FOXK1: variants seen among roughly 807,000 people sequenced by gnomAD.
FOXK1 encodes the protein forkhead box protein K1.
FOXK1 carries 19 observed loss-of-function variants against 51.9 expected under a neutral mutation model. The ratio of observed to expected loss-of-function variants is 0.37; its 90% CI spans 0.26 to 0.54. The LOEUF (loss-of-function observed/expected upper bound fraction) is 0.54. FOXK1 is among the 20% of genes least tolerant of loss of function. FOXK1 has a pLI of 0.87. For synonymous variants in FOXK1, 537 were observed against 482.6 expected (o/e 1.11, Z -1.48); for missense variants, 870 against 1,032.7 (o/e 0.84, Z 2.16).
Position 4,702,697 on chromosome 7 carries a change from G to C in FOXK1, c.560+19829G>C, listed in dbSNP as rs533548015. On this transcript the variant is annotated intron_variant, in intron 1 of 8. Coordinates refer to ENST00000328914, the MANE Select transcript of FOXK1 (RefSeq NM_001037165.2). ...TTTTCAGGTTTGCGTTAGTGGTGTC[G>C]TGACATCTTCTTCATGATCCTGTTT... Among the ~76,000 whole-genome samples the C allele has an allele frequency of 1.1e-4, 17 of 152,296 alleles. No homozygotes were observed. The South Asian group carries it at 3.5e-3, about 32-fold the overall frequency.
intron 2 of FOXK1, among the ~76,000 whole-genome samples, chr7:4,750,809 A>G (rs1469284727): frequency 2.6e-5 from 4 of 151,596 alleles, no homozygotes; most frequent in Non-Finnish European, 4.4e-5. Flanking sequence ...GGTTCAAGCA[A>G]TTCTCCTTCC....
At position 4,709,219 on chromosome 7, in the gene FOXK1, A is replaced by AT. The variant is rs1780143922; in HGVS notation, c.560+26354dup. ...GATACCCCCGTGCCTTACCCACGCT[A>AT]TTTGCTGCCTGGCATCCCCACCCTG... On this transcript the variant is annotated intron_variant, in intron 1 of 8. Transcript: ENST00000328914. The surrounding 1 kb of genome is among the most constrained non-coding windows in gnomAD (Gnocchi z 5.6). Among the ~76,000 whole-genome samples the AT allele has an allele frequency of 6.6e-6, 1 of 152,028 alleles. No homozygotes were observed. Among genetic ancestry groups the AT allele is most frequent in the South Asian group, 2.1e-4 (1 of 4,822 alleles).
Position 4,745,731 on chromosome 7 carries a change from C to G in FOXK1, c.746+4708C>G, listed in dbSNP as rs146126863. 5.4e-3 allele frequency among the ~76,000 whole-genome samples: 820 copies of G among 151,920 alleles called. 6 individuals are homozygous for G. Among genetic ancestry groups the G allele is most frequent in the African/African-American group, 0.017 (702 of 41,424 alleles). On this transcript the variant is annotated intron_variant, in intron 2 of 8. Coordinates refer to ENST00000328914, the MANE Select transcript of FOXK1 (RefSeq NM_001037165.2). The surrounding 1 kb of genome is among the most constrained non-coding windows in gnomAD (Gnocchi z 4.3). ...CCAGCCTGGTCAACATTGTGAAACC[C>G]CATCTCTACTGAAAATACAAAAATG... is the stretch of plus-strand genomic sequence containing the variant.
At chr7:4,716,960 T>C (rs1780242255) in intron 1 of FOXK1, among the ~76,000 whole-genome samples, 2 of 151,866 alleles carry the variant, frequency 1.3e-5, no homozygotes, top group Non-Finnish European at 2.9e-5. Context: ...GGCGCATGGC[T>C]GGGAGGCGTG....
In FOXK1 at chr7:4,764,154, A is replaced by C. The variant is rs1034189277; in HGVS notation, c.*1690A>C. On this transcript the variant is annotated 3_prime_UTR_variant, in exon 9 of 9. Transcript: ENST00000328914. ...TGATTCCGAGGCAGTGCGGGAGGAC[A>C]CACGTGCTGTGCAGTGGAGTGGGGT... The C allele has an allele frequency of 2.6e-5, 4 of 152,982 alleles. No homozygotes were observed. The highest frequency in any genetic ancestry group is 9.6e-5 in the African/African-American group (4 of 41,480). The allele number at this position is 152,982 out of a possible 1,614,324, so 9.5% of individuals were successfully genotyped here. A position where few individuals can be genotyped will look rare whatever the true frequency, so the allele number is the denominator to read the frequency against.
rs1053605851 is a variant in FOXK1 at position 4,753,980 on chromosome 7, T to C, written c.747-479T>C. ...GCCACGCCTTCACCCTGCAGGGCGA[T>C]GGCACCTCCACAGCCTCTTTCCAGG... On this transcript the variant is annotated intron_variant, in intron 2 of 8. Transcript: ENST00000328914. This position sits in a 1 kb window ranked among gnomAD's most constrained non-coding sequence, Gnocchi z 4.9. 2.0e-5 allele frequency among the ~76,000 whole-genome samples: 3 copies of C among 152,188 alleles called. No individual in the cohort carries two copies. Among genetic ancestry groups the C allele is most frequent in the African/African-American group, 7.2e-5 (3 of 41,458 alleles).
At position 4,747,813 on chromosome 7, in the gene FOXK1, G is replaced by A. The variant is rs1780725062; in HGVS notation, c.747-6646G>A. Among the ~76,000 whole-genome samples, 1 of 151,826 alleles carries A rather than the reference G, an allele frequency of 6.6e-6. No individual in the cohort carries two copies. On this transcript the variant is annotated intron_variant, in intron 2 of 8. Coordinates refer to ENST00000328914, the MANE Select transcript of FOXK1 (RefSeq NM_001037165.2). This position sits in a 1 kb window ranked among gnomAD's most constrained non-coding sequence, Gnocchi z 9.2. ...CCAAAGTGCCAAGATTACAAGCCTGGGCCTGTTTTTGTTGTGGTTGTTGTT... is the reference window on the plus strand; with the variant it reads ...CCAAAGTGCCAAGATTACAAGCCTGAGCCTGTTTTTGTTGTGGTTGTTGTT...
In FOXK1 at chr7:4,767,044, C is replaced by G. The variant is rs562757852; in HGVS notation, c.*4580C>G. On this transcript the variant is annotated 3_prime_UTR_variant, in exon 9 of 9. Coordinates refer to ENST00000328914, the MANE Select transcript of FOXK1 (RefSeq NM_001037165.2). The surrounding 1 kb of genome is among the most constrained non-coding windows in gnomAD (Gnocchi z 6.6). ...TCGGAGAAGAAAGGATTTTCCCCTT[C>G]GCTTTCAGAGCCGGCGGGAGTGCAG... 14 of 152,232 alleles carry G rather than the reference C, an allele frequency of 9.2e-5. No homozygotes were observed. The highest frequency in any genetic ancestry group is 1.2e-4 in the African/African-American group (5 of 41,462). 9.4% of individuals were successfully genotyped at this position (152,232 alleles called of 1,614,324 possible). A position where few individuals can be genotyped will look rare whatever the true frequency, so the allele number is the denominator to read the frequency against.
intron 1 of FOXK1, among the ~76,000 whole-genome samples, chr7:4,708,135 T>C (rs1355272626): frequency 6.6e-6 from 1 of 152,070 alleles, no homozygotes; most frequent in Non-Finnish European, 1.5e-5. Flanking sequence ...CCAGGAGTGC[T>C]TGGAATGTGC....
intron 1 of FOXK1, among the ~76,000 whole-genome samples, chr7:4,732,071 G>C (rs747848004): frequency 4.3e-4 from 65 of 152,272 alleles, no homozygotes; most frequent in African/African-American, 1.5e-3. Context: ...GCCGTGAGCC[G>C]CTGCACTGTT....
In FOXK1 at chr7:4,736,168, G is replaced by C. The variant is rs1780549901; in HGVS notation, c.561-4670G>C. Among the ~76,000 whole-genome samples, 3 of 152,124 alleles carry C rather than the reference G, an allele frequency of 2.0e-5. No homozygotes were observed. The South Asian group carries it at 6.2e-4, about 32-fold the overall frequency. On this transcript the variant is annotated intron_variant, in intron 1 of 8. Transcript: ENST00000328914. Reference sequence around the variant, plus strand: ...TGTTTCAAAAAATAAATAAAATCAAGTAGCATGCTTCATAGCATTTTCTCC... The same window carrying C: ...TGTTTCAAAAAATAAATAAAATCAACTAGCATGCTTCATAGCATTTTCTCC...
At chr7:4,688,431 C>T (rs751578896) in intron 1 of FOXK1, among the ~76,000 whole-genome samples, 20 of 151,244 alleles carry the variant, frequency 1.3e-4, no homozygotes, top group East Asian at 1.9e-4. Flanking sequence ...GACGGAGTCT[C>T]GCTCTGTCGC....
intron 1 of FOXK1, among the ~76,000 whole-genome samples, chr7:4,697,230 C>A (rs1186709316): frequency 3.9e-5 from 6 of 152,276 alleles, no homozygotes; most frequent in African/African-American, 1.4e-4. Context: ...CCAGAAGTAG[C>A]ATATCTCACT....
intron 1 of FOXK1, among the ~76,000 whole-genome samples, chr7:4,696,263 A>G (rs1583182678): frequency 6.6e-6 from 1 of 152,208 alleles, no homozygotes; most frequent in Non-Finnish European, 1.5e-5. Context: ...ATGGATAATA[A>G]AGAAGAGGGA....
At chr7:4,689,559 G>A (rs1583179776) in intron 1 of FOXK1, among the ~76,000 whole-genome samples, 1 of 152,148 alleles carries the variant, frequency 6.6e-6, no homozygotes, top group Non-Finnish European at 1.5e-5. Context: ...ACCTTGTTAC[G>A]ACGTCGCATG....
At chr7:4,701,043 G>A (rs1194252090) in intron 1 of FOXK1, among the ~76,000 whole-genome samples, 1 of 152,212 alleles carries the variant, frequency 6.6e-6, no homozygotes, top group Admixed American at 6.5e-5. Context: ...CAGGTCTGCT[G>A]AGCTCCCTGC....
chr7:4,746,587 C>G lies in FOXK1; in HGVS notation c.746+5564C>G, dbSNP rs535249769. 2.6e-5 allele frequency among the ~76,000 whole-genome samples: 4 copies of G among 152,280 alleles called. 1 individual carries two copies. The South Asian group carries it at 8.3e-4, about 32-fold the overall frequency. On this transcript the variant is annotated intron_variant, in intron 2 of 8. Transcript: ENST00000328914. ...TCTTTAGACCCAGCTACTCGGGAGG[C>G]TGAGGCAGGAGGATCGCTTGAGCCC...
Position 4,762,397 on chromosome 7 carries a change from G to GGGC in FOXK1, c.2135_2136insGGC (p.Ala713dup). 4.5e-6 allele frequency: 7 copies of GGGC among 1,550,206 alleles called. No individual in the cohort carries two copies. The highest frequency in any genetic ancestry group is 6.1e-6 in the Non-Finnish European group (7 of 1,147,442). ...AGGTCCCGGGTGGAGGAGCCCAGTGGTGCTGTAACCACACCGGCTGGAGTG... is the reference window on the plus strand; with the variant it reads ...AGGTCCCGGGTGGAGGAGCCCAGTGGGGCTGCTGTAACCACACCGGCTGGAGTG... On this transcript the variant is annotated inframe_insertion, in exon 9 of 9. Transcript: ENST00000328914. This position sits in a 1 kb window ranked among gnomAD's most constrained non-coding sequence, Gnocchi z 5.7.
chr7:4,758,863 C>T lies in FOXK1; in HGVS notation c.1245-188C>T, dbSNP rs1197090511. ...AACGGAGCCTCCCCCATGCAGCCCC[C>T]ACTCAAATGGAGTTTTAAAGGCTGG... On this transcript the variant is annotated intron_variant, in intron 5 of 8. Transcript: ENST00000328914. The surrounding 1 kb of genome is among the most constrained non-coding windows in gnomAD (Gnocchi z 4.4). The T allele has an allele frequency of 4.9e-6, 3 of 615,712 alleles. No homozygotes were observed. Among genetic ancestry groups the T allele is most frequent in the African/African-American group, 3.7e-5 (2 of 53,722 alleles). 38.1% of individuals were successfully genotyped at this position (615,712 alleles called of 1,614,324 possible).
Sources: allele counts gnomAD v4.1 joint callset (sites outside exome capture counted in the v4.1 genomes callset), GRCh38; gene constraint gnomAD v4.1.1; non-coding constraint Gnocchi (gnomAD v3.1); transcripts MANE v1.5; gene names NCBI Gene and HGNC (gene_info 2026-07-23, HGNC 2026-07-21).